ADGRB3: variants seen among roughly 807,000 people sequenced by gnomAD.
The protein encoded by ADGRB3 is brain-specific angiogenesis inhibitor 3.
ADGRB3 carries 37 observed loss-of-function variants against 193.4 expected under a neutral mutation model. The ratio of observed to expected loss-of-function variants is 0.19; its 90% CI spans 0.15 to 0.25. The LOEUF (loss-of-function observed/expected upper bound fraction) is 0.25. Among genes scored for constraint, ADGRB3 ranks in the 10% least tolerant of loss-of-function variants. The probability of loss-of-function intolerance (pLI) is 1.00; values close to 1 mark genes in which losing one functional copy is unlikely to be tolerated. For synonymous variants in ADGRB3, 690 were observed against 644.2 expected, an observed-to-expected ratio of 1.07 and a Z score of -1.08; for missense variants, 1,637 against 1,852.9, an observed-to-expected ratio of 0.88 and a Z score of 2.14.
intron 3 of ADGRB3, among the ~76,000 whole-genome samples, chr6:68,788,510 G>A (rs548038617): frequency 6.6e-6 from 1 of 152,238 alleles, no homozygotes; most frequent in East Asian, 1.9e-4. Context: ...TTGCACTGTG[G>A]TCTGAGAGAC....
chr6:68,660,373 A>G (rs1384965279), intron 3 of ADGRB3, among the ~76,000 whole-genome samples: 1 of 149,990 alleles, frequency 6.7e-6, no homozygotes, highest in Non-Finnish European at 1.5e-5. Context: ...GATACTTTCA[A>G]TGGAAGGTGT....
At chr6:68,645,985 C>G (rs188561450) in intron 3 of ADGRB3, among the ~76,000 whole-genome samples, 2 of 152,120 alleles carry the variant, frequency 1.3e-5, no homozygotes, top group African/African-American at 4.8e-5. Flanking sequence ...GTGCCCTTTT[C>G]TTTTCCCTCA....
chr6:68,876,844 T>C (rs540238808), intron 3 of ADGRB3, among the ~76,000 whole-genome samples: 23 of 152,260 alleles, frequency 1.5e-4, no homozygotes, highest in African/African-American at 5.5e-4. Flanking sequence ...CCATGTTTTC[T>C]TTTTATTGAT....
intron 3 of ADGRB3, among the ~76,000 whole-genome samples, chr6:68,836,687 T>A (rs1050592713): frequency 1.3e-5 from 2 of 152,128 alleles, no homozygotes; most frequent in African/African-American, 4.8e-5. Context: ...GCCATATATC[T>A]TACTTAGAAG....
At chr6:69,031,097 TTCTCTTCTCTTCTCTTCTC>T (rs1348238984) in intron 13 of ADGRB3, among the ~76,000 whole-genome samples, 1,626 of 78,614 alleles carry the variant, frequency 0.021, 223 homozygotes, top group Middle Eastern at 0.085. Context: ...TTCTCTTCTC[TTCTCTTCTCTTCTCTTCTC>T]TCTCTTCTCT....
chr6:68,943,743 A>G, intron 5 of ADGRB3, 87 bp from the exon 6 acceptor site: 3 of 1,140,262 alleles, frequency 2.6e-6, no homozygotes, highest in Non-Finnish European at 3.6e-6. Context: ...TGTCTATTTA[A>G]TGAGTTTTGC....
rs180850764 is a variant in ADGRB3 at position 68,945,368 on chromosome 6, C to A, written c.1195+1374C>A. ...AAACCATGATTACTTATTTGTTAAC[C>A]AGTACTAGAAAATCTATTTATGAGA... On this transcript the variant is annotated intron_variant, in intron 6 of 31. Transcript: ENST00000370598. Among the ~76,000 whole-genome samples, 674 of 151,916 alleles carry A rather than the reference C, an allele frequency of 4.4e-3. 2 individuals carry two copies. The highest frequency in any genetic ancestry group is 0.015 in the African/African-American group (629 of 41,458).
intron 3 of ADGRB3, among the ~76,000 whole-genome samples, chr6:68,801,512 AC>A (rs1170851563): frequency 3.3e-5 from 5 of 151,678 alleles, no homozygotes; most frequent in Non-Finnish European, 7.4e-5. Context: ...ACATAGCGAA[AC>A]CCCATCTCTA....
intron 17 of ADGRB3, among the ~76,000 whole-genome samples, chr6:69,154,984 T>G (rs1441743443): frequency 6.6e-6 from 1 of 152,204 alleles, no homozygotes; most frequent in Non-Finnish European, 1.5e-5. Flanking sequence ...GCTTTGACAG[T>G]TTAAAAGTGA....
intron 6 of ADGRB3, among the ~76,000 whole-genome samples, chr6:68,946,695 ACTC>A (rs1280273338): frequency 6.6e-6 from 1 of 152,040 alleles, no homozygotes; most frequent in African/African-American, 2.4e-5. Context: ...GTCTCCCACT[ACTC>A]ACTACTTTTG....
At chr6:69,293,172 A>T (rs1767728381) in intron 20 of ADGRB3, among the ~76,000 whole-genome samples, 1 of 152,200 alleles carries the variant, frequency 6.6e-6, no homozygotes, top group Non-Finnish European at 1.5e-5. Context: ...TATAAATCAA[A>T]TACAAATTGT....
intron 20 of ADGRB3, among the ~76,000 whole-genome samples, chr6:69,292,296 G>A (rs1238674293): frequency 6.6e-6 from 1 of 151,824 alleles, no homozygotes; most frequent in Non-Finnish European, 1.5e-5. Flanking sequence ...AGAGATAATG[G>A]GATGAATAAT....
chr6:69,348,303 G>A (rs1582648247), intron 26 of ADGRB3, among the ~76,000 whole-genome samples: 1 of 151,890 alleles, frequency 6.6e-6, no homozygotes, highest in South Asian at 2.1e-4. Flanking sequence ...TCACACTGCC[G>A]TCCCAGCTGT....
intron 20 of ADGRB3, among the ~76,000 whole-genome samples, chr6:69,273,530 G>T (rs763490709): frequency 1.3e-5 from 2 of 152,160 alleles, no homozygotes; most frequent in Non-Finnish European, 2.9e-5. Context: ...TTAGGACTGG[G>T]TGTGAAAGGA....
In ADGRB3 at chr6:69,342,318, T is replaced by C. The variant is rs562375362; in HGVS notation, c.3459+2814T>C. On this transcript the variant is annotated intron_variant, in intron 26 of 31. Transcript: ENST00000370598. ...GCAGAGTGTCATAACACTCTTTAGC[T>C]CCATCACTGAAATGGCAAATCACAT... Among the ~76,000 whole-genome samples, 4 of 152,262 alleles carry C rather than the reference T, an allele frequency of 2.6e-5. No homozygotes were observed. In the South Asian group the frequency reaches 6.2e-4, roughly 24 times the overall value.
At chr6:69,374,401 C>T (rs1769770037) in intron 30 of ADGRB3, among the ~76,000 whole-genome samples, 1 of 152,030 alleles carries the variant, frequency 6.6e-6, no homozygotes, top group South Asian at 2.1e-4. Context: ...TATCAAGCTC[C>T]CTGACACTCC....
intron 3 of ADGRB3, among the ~76,000 whole-genome samples, chr6:68,744,098 G>T: frequency 6.6e-6 from 1 of 151,954 alleles, no homozygotes; most frequent in Non-Finnish European, 1.5e-5. Flanking sequence ...AAGTAGTGTT[G>T]GAAAGAGATG....
chr6:69,309,129 T>C (rs1380781916), intron 20 of ADGRB3, among the ~76,000 whole-genome samples: 1 of 151,722 alleles, frequency 6.6e-6, no homozygotes, highest in Non-Finnish European at 1.5e-5. Flanking sequence ...AAAATTCCCA[T>C]TGATATTATT....
At chr6:68,644,867 CAT>C (rs1415413740) in intron 3 of ADGRB3, among the ~76,000 whole-genome samples, 3 of 152,184 alleles carry the variant, frequency 2.0e-5, no homozygotes, top group Non-Finnish European at 2.9e-5. Context: ...TGTATACACA[CAT>C]GTGCCAACAT....
Sources: gnomAD v4.1 joint callset for allele counts (sites outside exome capture counted in the v4.1 genomes callset) on GRCh38, gnomAD v4.1.1 for gene constraint, MANE v1.5 for transcripts, NCBI Gene and HGNC (gene_info 2026-07-23, HGNC 2026-07-21) for gene names.